ATF7: variants seen among roughly 807,000 people sequenced by gnomAD.
ATF7 encodes the protein activating transcription factor 7.
Under a neutral mutation model 50.4 loss-of-function variants are expected in ATF7, and 10 were observed. The ratio of observed to expected loss-of-function variants is 0.20; its 90% CI spans 0.12 to 0.34. The LOEUF is 0.34. Among genes scored for constraint, ATF7 ranks in the 10% least tolerant of loss-of-function variants. The pLI is 1.00. For synonymous variants in ATF7, 201 were observed against 226.4 expected (o/e 0.89, Z 1.01); for missense variants, 465 against 613.9 (o/e 0.76, Z 2.56).
In ATF7 at chr12:53,552,710, C is replaced by T. The variant is rs1940457085; in HGVS notation, c.49-73G>A. On this transcript the variant is annotated intron_variant, in intron 2 of 11. Transcript: ENST00000420353. Reference sequence around the variant, plus strand: ...CGATTCGGTGCCCTTTTAAAATGTCCTACCAAACATCTTGCAATGAGATTG... The same window carrying T: ...CGATTCGGTGCCCTTTTAAAATGTCTTACCAAACATCTTGCAATGAGATTG... The T allele has an allele frequency of 1.8e-5, 21 of 1,137,394 alleles. No individual in the cohort carries two copies. The South Asian group carries it at 1.9e-4, about 10-fold the overall frequency. The allele number at this position is 1,137,394 out of a possible 1,614,324, so 70.5% of individuals were successfully genotyped here.
intron 3 of ATF7, among the ~76,000 whole-genome samples, chr12:53,546,829 C>T (rs1939953780): frequency 1.3e-5 from 2 of 151,962 alleles, no homozygotes; most frequent in Non-Finnish European, 2.9e-5. Context: ...ACGATCTCGG[C>T]TCACTGCAGC....
chr12:53,566,556 T>G (rs1941454443), intron 2 of ATF7, among the ~76,000 whole-genome samples: 1 of 151,818 alleles, frequency 6.6e-6, no homozygotes, highest in Admixed American at 6.6e-5. Context: ...AACAAGAGAG[T>G]TCCTGATGCT....
chr12:53,582,453 T>C (rs1011727680), intron 2 of ATF7, among the ~76,000 whole-genome samples: 9 of 151,196 alleles, frequency 6.0e-5, no homozygotes, highest in African/African-American at 2.2e-4. Flanking sequence ...CTGGGGAACA[T>C]AACGTGACCC....
chr12:53,547,704 A>C lies in ATF7; in HGVS notation c.146-4256T>G, dbSNP rs1350805765. On this transcript the variant is annotated intron_variant, in intron 3 of 11. Transcript: ENST00000420353. ...GCAATCTTTCTGTCTCAGCCTCCCAAGTAGCTAGGACTACAGGTGTGCACC... is the reference window on the plus strand; with the variant it reads ...GCAATCTTTCTGTCTCAGCCTCCCACGTAGCTAGGACTACAGGTGTGCACC... Among the ~76,000 whole-genome samples the C allele has an allele frequency of 2.0e-5, 3 of 151,608 alleles. No homozygotes were observed. The East Asian group carries it at 5.8e-4, about 29-fold the overall frequency.
chr12:53,607,757 G>A (rs916167220), intron 1 of ATF7, among the ~76,000 whole-genome samples: 64 of 152,082 alleles, frequency 4.2e-4, no homozygotes, highest in African/African-American at 1.4e-3. Flanking sequence ...ACATCAAAAT[G>A]TTGATAATGG....
intron 2 of ATF7, among the ~76,000 whole-genome samples, chr12:53,596,300 C>T (rs1943154186): frequency 6.6e-6 from 1 of 152,054 alleles, no homozygotes; most frequent in African/African-American, 2.4e-5. Context: ...AACTCCATCT[C>T]ACAAAAACAA....
chr12:53,621,598 A>G (rs1944381951), intron 1 of ATF7, among the ~76,000 whole-genome samples: 1 of 151,814 alleles, frequency 6.6e-6, no homozygotes, highest in South Asian at 2.1e-4. Context: ...CCTAGCCAAC[A>G]TGGTGAAACC....
chr12:53,598,722 A>G (rs1057361267), intron 2 of ATF7, among the ~76,000 whole-genome samples: 1 of 152,214 alleles, frequency 6.6e-6, no homozygotes, highest in Admixed American at 6.5e-5. Flanking sequence ...GGTGTTATTT[A>G]TATCTTTCTT....
chr12:53,613,404 GTTATT>G (rs1406036184), intron 1 of ATF7, among the ~76,000 whole-genome samples: 1 of 152,128 alleles, frequency 6.6e-6, no homozygotes, highest in Non-Finnish European at 1.5e-5. Context: ...TAATGGGTTT[GTTATT>G]TTAAAGTAAA....
At chr12:53,554,154 G>T (rs866315242) in intron 2 of ATF7, among the ~76,000 whole-genome samples, 1 of 151,974 alleles carries the variant, frequency 6.6e-6, no homozygotes, top group Non-Finnish European at 1.5e-5. Flanking sequence ...TCTTTGAGAC[G>T]GAGTCTTGCT....
intron 11 of ATF7, among the ~76,000 whole-genome samples, chr12:53,517,989 C>T (rs1043152801): frequency 7.9e-5 from 12 of 152,130 alleles, no homozygotes; most frequent in South Asian, 2.1e-4. Flanking sequence ...CTCAGCCTTC[C>T]GAGTAGCTGG....
At position 53,524,496 on chromosome 12, in the gene ATF7, C is replaced by CT. The variant is rs1389340699; in HGVS notation, c.1125+67dup. The CT allele has an allele frequency of 1.3e-6, 2 of 1,561,362 alleles. No individual in the cohort carries two copies. The highest frequency in any genetic ancestry group is 1.7e-5 in the Admixed American group (1 of 58,760). The stretch of plus-strand genomic sequence containing the variant: ...TACCATCTTCTATCAAATTGTACCA[C>CT]TTTTTTCTGATTCCATCCCACTTTC... On this transcript the variant is annotated intron_variant, in intron 10 of 11. Coordinates refer to ENST00000420353, the MANE Select transcript of ATF7 (RefSeq NM_006856.3). This position sits in a 1 kb window ranked among gnomAD's most constrained non-coding sequence, Gnocchi z 4.6.
intron 11 of ATF7, among the ~76,000 whole-genome samples, chr12:53,519,423 C>T (rs924429974): frequency 6.6e-6 from 1 of 151,990 alleles, no homozygotes; most frequent in Non-Finnish European, 1.5e-5. Context: ...TATGTAAGGC[C>T]GGGTGCGGTG....
At chr12:53,526,401 T>C (rs1180816677) in intron 9 of ATF7, among the ~76,000 whole-genome samples, 3 of 151,866 alleles carry the variant, frequency 2.0e-5, no homozygotes, top group Non-Finnish European at 4.4e-5. Flanking sequence ...TTTTAATGAA[T>C]AGTAAATATA....
intron 5 of ATF7, among the ~76,000 whole-genome samples, chr12:53,535,570 A>T (rs1939170615): frequency 6.6e-6 from 1 of 152,122 alleles, no homozygotes; most frequent in Non-Finnish European, 1.5e-5. Flanking sequence ...GGTTATACAG[A>T]CTACTGACTT....
At chr12:53,578,329 C>T (rs997809031) in intron 2 of ATF7, among the ~76,000 whole-genome samples, 2 of 139,714 alleles carry the variant, frequency 1.4e-5, no homozygotes, top group African/African-American at 2.7e-5. Context: ...GATCACACCA[C>T]TGCACTCTAG....
In ATF7 at chr12:53,516,603, A is replaced by T. The variant is rs1937715316; in HGVS notation, c.*534T>A. 6.4e-6 allele frequency: 1 copy of T among 157,024 alleles called. No individual in the cohort carries two copies. Among genetic ancestry groups the T allele is most frequent in the Admixed American group, 6.1e-5 (1 of 16,352 alleles). 9.7% of individuals were successfully genotyped at this position (157,024 alleles called of 1,614,324 possible). A position where few individuals can be genotyped will look rare whatever the true frequency, so the allele number is the denominator to read the frequency against. On this transcript the variant is annotated 3_prime_UTR_variant, in exon 12 of 12. Coordinates refer to ENST00000420353, the MANE Select transcript of ATF7 (RefSeq NM_006856.3). ...TTTTAACTAGAATTAAGGAAGAGGA[A>T]AAAGGAAACGGGTAAATAAGCAGCT... is the stretch of plus-strand genomic sequence containing the variant.
chr12:53,524,254 T>C lies in ATF7; in HGVS notation c.1125+310A>G, dbSNP rs911927729. On this transcript the variant is annotated intron_variant, in intron 10 of 11. Transcript: ENST00000420353. This position sits in a 1 kb window ranked among gnomAD's most constrained non-coding sequence, Gnocchi z 4.6. ...ATCTAGGGCAAACACATTTCCCTTTTGGTTTTCATGACCCCAGTCAGATTC... is the reference window on the plus strand; with the variant it reads ...ATCTAGGGCAAACACATTTCCCTTTCGGTTTTCATGACCCCAGTCAGATTC... Among the ~76,000 whole-genome samples the C allele has an allele frequency of 1.2e-4, 18 of 152,342 alleles. No homozygotes were observed. Among genetic ancestry groups the C allele is most frequent in the African/African-American group, 4.3e-4 (18 of 41,578 alleles).
chr12:53,528,099 C>A (rs959542041), intron 9 of ATF7, among the ~76,000 whole-genome samples: 9 of 151,862 alleles, frequency 5.9e-5, no homozygotes, highest in Non-Finnish European at 8.8e-5. Context: ...CCTCAGCCTC[C>A]CAAAGTGCTG....
Sources: allele counts gnomAD v4.1 joint callset (sites outside exome capture counted in the v4.1 genomes callset), GRCh38; gene constraint gnomAD v4.1.1; non-coding constraint Gnocchi (gnomAD v3.1); transcripts MANE v1.5; gene names NCBI Gene and HGNC (gene_info 2026-07-23, HGNC 2026-07-21).